BCAR1: variants seen among roughly 807,000 people sequenced by gnomAD.
The protein encoded by BCAR1 is breast cancer anti-estrogen resistance protein 1.
BCAR1 carries 30 observed loss-of-function variants against 67.6 expected under a neutral mutation model. The ratio of observed to expected loss-of-function variants is 0.44; its 90% CI spans 0.33 to 0.60. BCAR1 has a LOEUF of 0.60. Ranked by LOEUF, BCAR1 falls within the 20% of genes least tolerant of loss-of-function variation. The probability of loss-of-function intolerance (pLI) is 0.02; values close to 1 mark genes in which losing one functional copy is unlikely to be tolerated. For synonymous variants in BCAR1, 626 were observed against 556.7 expected (o/e 1.12, Z -1.75); for missense variants, 1,313 against 1,222.3 (o/e 1.07, Z -1.11).
At chr16:75,252,283 C>G (rs2151464618), upstream of BCAR1, 2 of 1,536,722 alleles carry the variant, frequency 1.3e-6, no homozygotes, top group Non-Finnish European at 1.7e-6. Context: ...GGTCCTCCAG[C>G]TGATCTGCCT....
chr16:75,242,142 G>A (rs564900397), intron 2 of BCAR1, among the ~76,000 whole-genome samples: 7 of 152,288 alleles, frequency 4.6e-5, no homozygotes, highest in South Asian at 4.1e-4. Context: ...TCTCCCTTGC[G>A]GGGGCCCAGC....
At chr16:75,267,728 G>T (rs534562126) in intron 1 of BCAR1, among the ~76,000 whole-genome samples, 1 of 152,298 alleles carries the variant, frequency 6.6e-6, no homozygotes, top group East Asian at 1.9e-4. Context: ...GGCGGGCGGT[G>T]GAGAAAGATC....
chr16:75,248,344 G>C, intron 1 of BCAR1: 1 of 1,340,642 alleles, frequency 7.5e-7, no homozygotes, highest in Admixed American at 3.2e-5. Flanking sequence ...TTCATACCCA[G>C]AACCATCACA....
chr16:75,246,574 C>G (rs2077529975), intron 1 of BCAR1: 1 of 152,482 alleles, frequency 6.6e-6, no homozygotes, highest in East Asian at 1.9e-4. Flanking sequence ...AGCAGGGAGG[C>G]AGGCTGTGAC....
upstream of BCAR1, among the ~76,000 whole-genome samples, chr16:75,254,407 A>G (rs576798725): frequency 6.6e-6 from 1 of 152,258 alleles, no homozygotes; most frequent in Non-Finnish European, 1.5e-5. Flanking sequence ...GTTTAGCCCC[A>G]TTGGTGAGAA....
At chr16:75,266,798 G>A in intron 1 of BCAR1, 1 of 1,436,460 alleles carries the variant, frequency 7.0e-7, no homozygotes, top group Non-Finnish European at 9.2e-7. Flanking sequence ...AGTGGGGCTG[G>A]GGTCCAGAGC....
rs888188712 is a variant in BCAR1 at position 75,228,383 on chromosome 16, G to C, written c.*1128C>G. On this transcript the variant is annotated 3_prime_UTR_variant, in exon 7 of 7. Coordinates refer to ENST00000162330, the MANE Select transcript of BCAR1 (RefSeq NM_014567.5). ...CAAGGCCCATGTTCATATGCAGAACGGTCAGGGCTGGGAGCAGCACCAGGG... is the reference window on the plus strand; with the variant it reads ...CAAGGCCCATGTTCATATGCAGAACCGTCAGGGCTGGGAGCAGCACCAGGG... 11 of 152,140 alleles carry C rather than the reference G, an allele frequency of 7.2e-5. No individual in the cohort carries two copies. Among genetic ancestry groups the C allele is most frequent in the African/African-American group, 2.7e-4 (11 of 41,406 alleles). The allele number at this position is 152,140 out of a possible 1,614,324, so 9.4% of individuals were successfully genotyped here. A position where few individuals can be genotyped will look rare whatever the true frequency, so the allele number is the denominator to read the frequency against.
rs114228838 is a variant in BCAR1 at position 75,258,499 on chromosome 16, G to A, written c.66+9416C>T. On this transcript the variant is annotated intron_variant, in intron 1 of 6. Coordinates refer to the BCAR1 transcript ENST00000393422. The stretch of plus-strand genomic sequence containing the variant: ...AGCACTGCTGTGTAAAAGAACAGCC[G>A]TGTCCTCAGGGAACTCACACTCCAA... Among the ~76,000 whole-genome samples, 636 of 152,266 alleles carry A rather than the reference G, an allele frequency of 4.2e-3. 3 individuals carry two copies. Among genetic ancestry groups the A allele is most frequent in the African/African-American group, 0.013 (546 of 41,558 alleles).
At chr16:75,264,152 G>A (rs1168181015) in intron 1 of BCAR1, 1 of 1,318,782 alleles carries the variant, frequency 7.6e-7, no homozygotes, top group African/African-American at 1.5e-5. Flanking sequence ...TCTTGTTACA[G>A]ATGAGGCACA....
chr16:75,236,833 C>T (rs769217703), intron 4 of BCAR1, 49 bp downstream of exon 4: 6 of 1,591,970 alleles, frequency 3.8e-6, no homozygotes, highest in Non-Finnish European at 5.1e-6. Flanking sequence ...CACACCCAGA[C>T]ACCCCACAGC....
At chr16:75,238,453 G>A (rs1034057498) in intron 2 of BCAR1, 4 of 1,023,414 alleles carry the variant, frequency 3.9e-6, no homozygotes, top group Admixed American at 5.7e-5. Flanking sequence ...CCTCCCCCGG[G>A]CCCAGTGCCC....
Position 75,235,435 on chromosome 16 carries a change from C to T in BCAR1, c.1464G>A (p.Gly488=). The T allele has an allele frequency of 1.2e-6, 2 of 1,608,202 alleles. No individual in the cohort carries two copies. Among genetic ancestry groups the T allele is most frequent in the South Asian group, 1.1e-5 (1 of 90,914 alleles). Residue 488 remains glycine, a synonymous_variant, in exon 5 of 7, where the codon GGG becomes GGA. Coordinates refer to ENST00000162330, the MANE Select transcript of BCAR1 (RefSeq NM_014567.5). ...LDLAGSAGAT[G]SWRSPSEPQE... is the part of the protein sequence containing the mutation. The stretch of plus-strand genomic sequence containing the variant: ...GTGGCTCAGAGGGGCTACGCCAGCT[C>T]CCAGTCGCACCGGCGCTGCCTGCCA...
rs1567629915 is a variant in BCAR1, at chr16:75,267,403, G to GCA, written c.66+511_66+512insTG. Among the ~76,000 whole-genome samples the GCA allele has an allele frequency of 1.1e-4, 16 of 143,702 alleles. No homozygotes were observed. The South Asian group carries it at 2.1e-3, about 19-fold the overall frequency. The allele number at this position is 143,702 out of a possible 152,430, so 94.3% of individuals were successfully genotyped here. A position where few individuals can be genotyped will look rare whatever the true frequency, so the allele number is the denominator to read the frequency against. On this transcript the variant is annotated intron_variant, in intron 1 of 6. Transcript: ENST00000393422. The stretch of plus-strand genomic sequence containing the variant: ...CAGGGCCACAGCAAGCCGGGGGGGG[G>GCA]GTGGGGGGCCTGGACCGACAGCTGC...
chr16:75,266,856 C>A, intron 1 of BCAR1: 1 of 1,192,552 alleles, frequency 8.4e-7, no homozygotes, highest in Non-Finnish European at 1.1e-6. Flanking sequence ...AAAGACGGAG[C>A]CAGCTCCATG....
At position 75,237,015 on chromosome 16, in the gene BCAR1, G is replaced by A; in HGVS notation, c.796-17C>T. On this transcript the variant is annotated splice_polypyrimidine_tract_variant and intron_variant, in intron 3 of 6. Coordinates refer to ENST00000162330, the MANE Select transcript of BCAR1 (RefSeq NM_014567.5). Reference sequence around the variant, plus strand: ...GTCATACACCTGGGGCAGAAACAGTGCAGGGTTAACGGCGCCAGGGCCACT... The same window carrying A: ...GTCATACACCTGGGGCAGAAACAGTACAGGGTTAACGGCGCCAGGGCCACT... 6.3e-7 allele frequency: 1 copy of A among 1,579,940 alleles called. No homozygotes were observed. Among genetic ancestry groups the A allele is most frequent in the Non-Finnish European group, 8.6e-7 (1 of 1,160,182 alleles).
At chr16:75,255,582 G>C (rs922868257), upstream of BCAR1, among the ~76,000 whole-genome samples, 4 of 152,120 alleles carry the variant, frequency 2.6e-5, no homozygotes, top group Non-Finnish European at 5.9e-5. Flanking sequence ...TGTAATCCCA[G>C]CTACTCAGGA....
At chr16:75,265,807 G>C (rs911728037) in intron 1 of BCAR1, 1 of 1,197,820 alleles carries the variant, frequency 8.3e-7, no homozygotes, top group Non-Finnish European at 1.0e-6. Context: ...CCGGGGTCCC[G>C]GGCGGCGCGG....
upstream of BCAR1, chr16:75,251,952 C>T: frequency 1.7e-6 from 1 of 571,726 alleles, no homozygotes; most frequent in South Asian, 2.1e-5. Context: ...GGAAGGCTGC[C>T]CGGTTTGCCT....
At chr16:75,263,973 G>A (rs573282253) in intron 1 of BCAR1, 786 of 1,159,054 alleles carry the variant, frequency 6.8e-4, no homozygotes, top group Admixed American at 1.1e-3. Flanking sequence ...AGCCAGCCAC[G>A]TAGGGGGCAG....
Sources: allele counts gnomAD v4.1 joint callset (sites outside exome capture counted in the v4.1 genomes callset), GRCh38; gene constraint gnomAD v4.1.1; transcripts MANE v1.5; gene names NCBI Gene and HGNC (gene_info 2026-07-23, HGNC 2026-07-21).